PRRC1: variants seen among roughly 807,000 people sequenced by gnomAD.
PRRC1 encodes protein PRRC1.
PRRC1 carries 39 observed loss-of-function variants against 40.7 expected under a neutral mutation model. The observed-to-expected ratio is 0.96, with a 90% CI of 0.74 to 1.25. The LOEUF (loss-of-function observed/expected upper bound fraction) is 1.25, where lower values mean the gene tolerates loss of function less well. PRRC1 is among the 50% of genes most tolerant of loss of function. The probability of loss-of-function intolerance (pLI) is 0.00; values close to 1 mark genes in which losing one functional copy is unlikely to be tolerated. For missense variants in PRRC1, 573 were observed against 548.3 expected (o/e 1.05, Z -0.45); for synonymous variants, 175 against 193.3 (o/e 0.91, Z 0.79).
chr5:127,525,449 C>T (rs1446680629), intron 3 of PRRC1, among the ~76,000 whole-genome samples: 3 of 152,128 alleles, frequency 2.0e-5, no homozygotes, highest in Admixed American at 6.5e-5. Flanking sequence ...TTGTTTTCCA[C>T]TTTTTGGCTA....
In PRRC1 at chr5:127,553,092, C is replaced by T. The variant is rs1000559907; in HGVS notation, c.*1176C>T. 9 of 867,042 alleles carry T rather than the reference C, an allele frequency of 1.0e-5. No homozygotes were observed. Among genetic ancestry groups the T allele is most frequent in the South Asian group, 5.3e-5 (1 of 18,726 alleles). The allele number at this position is 867,042 out of a possible 1,614,324, so 53.7% of individuals were successfully genotyped here. On this transcript the variant is annotated 3_prime_UTR_variant, in exon 9 of 9. Transcript: ENST00000296666. The stretch of plus-strand genomic sequence containing the variant: ...TATATACAAGTTCAAATAACTTTTT[C>T]GAAGATAGTTTCTTATATAAATGTA...
chr5:127,549,777 C>T (rs1321046131), intron 8 of PRRC1: 1 of 152,130 alleles, frequency 6.6e-6, no homozygotes, highest in Non-Finnish European at 1.5e-5. Flanking sequence ...TTTATAGCTG[C>T]TTTTGTACTA....
chr5:127,551,425 A>C (rs996400049), intron 8 of PRRC1: 1 of 347,174 alleles, frequency 2.9e-6, no homozygotes, highest in Non-Finnish European at 5.3e-6. Flanking sequence ...TACCAATCTT[A>C]TTATTAACCT....
chr5:127,544,184 C>T (rs866491868), intron 7 of PRRC1, among the ~76,000 whole-genome samples: 38 of 152,140 alleles, frequency 2.5e-4, no homozygotes, highest in African/African-American at 8.4e-4. Context: ...TCTGCAGAAC[C>T]GCGGATTTTC....
At chr5:127,522,033 T>G (rs748371248) in intron 1 of PRRC1, among the ~76,000 whole-genome samples, 1 of 152,242 alleles carries the variant, frequency 6.6e-6, no homozygotes, top group Non-Finnish European at 1.5e-5. Context: ...TGTACTAGAC[T>G]GTAAGTATCC....
intron 8 of PRRC1, chr5:127,549,387 A>G (rs1326700825): frequency 6.6e-6 from 1 of 152,234 alleles, no homozygotes; most frequent in Non-Finnish European, 1.5e-5. Context: ...TGAACATTGT[A>G]TCCTGACCAT....
chr5:127,525,318 C>G (rs1222781981), intron 3 of PRRC1, among the ~76,000 whole-genome samples: 1 of 152,128 alleles, frequency 6.6e-6, no homozygotes, highest in Non-Finnish European at 1.5e-5. Context: ...TAAATATTTT[C>G]AAGGTTCATC....
Position 127,552,123 on chromosome 5 carries a change from T to C in PRRC1, c.*207T>C. ...AAATCCTTTTTATAGTCATACCATT[T>C]CACCTATCATAGTACTCAAAAAAGA... is the stretch of plus-strand genomic sequence containing the variant. On this transcript the variant is annotated 3_prime_UTR_variant, in exon 9 of 9. Transcript: ENST00000296666. 7.2e-7 allele frequency: 1 copy of C among 1,382,688 alleles called. No individual in the cohort carries two copies. Among genetic ancestry groups the C allele is most frequent in the Non-Finnish European group, 9.3e-7 (1 of 1,069,572 alleles). 85.7% of individuals were successfully genotyped at this position (1,382,688 alleles called of 1,614,324 possible). A position where few individuals can be genotyped will look rare whatever the true frequency, so the allele number is the denominator to read the frequency against.
Position 127,551,742 on chromosome 5 carries a change from G to C in PRRC1, c.1164G>C (p.Arg388Ser). Reference sequence around the variant, plus strand: ...TAACTCCCCAGGACTATAATCTGAGGTGGTCAGGCCTTTTGGTGACAGTGG... The same window carrying C: ...TAACTCCCCAGGACTATAATCTGAGCTGGTCAGGCCTTTTGGTGACAGTGG... ...QSLTPQDYNL[R>S]WSGLLVTVGE... is the part of the protein sequence containing the mutation. Residue 388 changes from arginine to serine, a missense_variant, in exon 9 of 9, where the codon AGG becomes AGC. Arg to Ser is a moderately radical substitution (Grantham distance 110). Transcript: ENST00000296666. The C allele has an allele frequency of 6.2e-7, 1 of 1,614,054 alleles. No homozygotes were observed. Among genetic ancestry groups the C allele is most frequent in the Non-Finnish European group, 8.5e-7 (1 of 1,179,988 alleles).
At chr5:127,538,025 A>G (rs1235319366) in intron 6 of PRRC1, among the ~76,000 whole-genome samples, 3 of 151,978 alleles carry the variant, frequency 2.0e-5, no homozygotes, top group African/African-American at 2.4e-5. Context: ...TTGAACACCT[A>G]TTAAGTTAGG....
At chr5:127,545,655 G>T (rs1768196360) in intron 7 of PRRC1, among the ~76,000 whole-genome samples, 1 of 148,798 alleles carries the variant, frequency 6.7e-6, no homozygotes, top group Non-Finnish European at 1.5e-5. Flanking sequence ...GGGAGGGATA[G>T]CATTAGGAGA....
chr5:127,548,257 A>G lies in PRRC1; in HGVS notation c.1128+336A>G, dbSNP rs898954865. On this transcript the variant is annotated intron_variant, in intron 8 of 8. Coordinates refer to ENST00000296666, the MANE Select transcript of PRRC1 (RefSeq NM_130809.5). ...CCGCCTTTCGTTTGCTTTCCCTTTT[A>G]TCTCACATTTCATTTCCACTGTTAT... 1.1e-5 allele frequency: 5 copies of G among 473,258 alleles called. No individual in the cohort carries two copies. The South Asian group carries it at 1.6e-4, about 15-fold the overall frequency. The allele number at this position is 473,258 out of a possible 1,614,324, so 29.3% of individuals were successfully genotyped here.
chr5:127,548,305 T>C, intron 8 of PRRC1: 1 of 386,904 alleles, frequency 2.6e-6, no homozygotes, highest in East Asian at 4.7e-5. Flanking sequence ...TTTCCTTGAT[T>C]GATTGTCCTC....
rs140949082 is a variant in PRRC1 at position 127,533,713 on chromosome 5, T to C, written c.848T>C (p.Leu283Ser). Reference sequence around the variant, plus strand: ...GATGCCTTCCAGGAGGTCTTTGGCTTAGCTGTGGTTGTAGGGGAAGCTGGA... The same window carrying C: ...GATGCCTTCCAGGAGGTCTTTGGCTCAGCTGTGGTTGTAGGGGAAGCTGGA... The part of the protein sequence containing the change: ...VRDAFQEVFG[L>S]AVVVGEAGQS... The change falls in exon 6 of 9, where the codon TTA (leucine) becomes TCA (serine). Residue 283 changes from leucine (L) to serine (S), a missense_variant. Leu to Ser is a moderately radical substitution (Grantham distance 145). Coordinates refer to ENST00000296666, the MANE Select transcript of PRRC1 (RefSeq NM_130809.5). The C allele has an allele frequency of 9.3e-6, 15 of 1,614,030 alleles. No homozygotes were observed. Among genetic ancestry groups the C allele is most frequent in the African/African-American group, 1.3e-5 (1 of 74,930 alleles).
chr5:127,552,555 T>C lies in PRRC1; in HGVS notation c.*639T>C. On this transcript the variant is annotated 3_prime_UTR_variant, in exon 9 of 9. Transcript: ENST00000296666. ...ATCATACCTTTGTCAATTTTAAACATAACTTTTGGCATTTCCCAGATTTAT... is the reference window on the plus strand; with the variant it reads ...ATCATACCTTTGTCAATTTTAAACACAACTTTTGGCATTTCCCAGATTTAT... 1 of 985,902 alleles carries C rather than the reference T, an allele frequency of 1.0e-6. No homozygotes were observed. Among genetic ancestry groups the C allele is most frequent in the East Asian group, 1.1e-4 (1 of 8,818 alleles). The allele number at this position is 985,902 out of a possible 1,614,324, so 61.1% of individuals were successfully genotyped here.
Position 127,554,362 on chromosome 5 carries a change from T to G in PRRC1, c.*2446T>G, listed in dbSNP as rs1320201620. 1 of 152,258 alleles carries G rather than the reference T, an allele frequency of 6.6e-6. No homozygotes were observed. The highest frequency in any genetic ancestry group is 6.5e-5 in the Admixed American group (1 of 15,270). 9.4% of individuals were successfully genotyped at this position (152,258 alleles called of 1,614,324 possible). On this transcript the variant is annotated 3_prime_UTR_variant, in exon 9 of 9. Coordinates refer to ENST00000296666, the MANE Select transcript of PRRC1 (RefSeq NM_130809.5). The stretch of plus-strand genomic sequence containing the variant: ...ATATAGTTCTTCACCACTGTTGGGG[T>G]TGTTTTGTGATTTTTTTTTTCTTCC...
chr5:127,530,358 T>C lies in PRRC1; in HGVS notation c.719T>C (p.Met240Thr). 6.2e-7 allele frequency: 1 copy of C among 1,613,972 alleles called. No homozygotes were observed. The highest frequency in any genetic ancestry group is 8.5e-7 in the Non-Finnish European group (1 of 1,179,924). Residue 240 changes from methionine (M) to threonine (T), a missense_variant, in exon 5 of 9, where the codon ATG becomes ACG. Physicochemically the swap from Met to Thr is moderately conservative, Grantham distance 81. Coordinates refer to ENST00000296666, the MANE Select transcript of PRRC1 (RefSeq NM_130809.5). ...AAGACAAAACATTCAGTAGAAAGCA[T>C]GATTACAACGCTGGACCCTGGCATG... Reference protein sequence around the residue: ...LDKTKHSVESMITTLDPGMAP... With the variant: ...LDKTKHSVESTITTLDPGMAP...
In PRRC1 at chr5:127,545,457, A is replaced by G. The variant is rs531794706; in HGVS notation, c.1026-2362A>G. On this transcript the variant is annotated intron_variant, in intron 7 of 8. Transcript: ENST00000296666. ...ATACACCATGGAATACTATGCAGCC[A>G]TAAAAATGATGAGTTCATGTCCTTT... Among the ~76,000 whole-genome samples the G allele has an allele frequency of 3.9e-5, 6 of 152,268 alleles. No individual in the cohort carries two copies. The East Asian group carries it at 7.7e-4, about 20-fold the overall frequency.
Position 127,552,670 on chromosome 5 carries a change from T to C in PRRC1, c.*754T>C. ...ATTCAAGTATATTTTAAATCAGAAG[T>C]ATTCAAATTATTTTTGTATAATACT... On this transcript the variant is annotated 3_prime_UTR_variant, in exon 9 of 9. Transcript: ENST00000296666. 3 of 980,456 alleles carry C rather than the reference T, an allele frequency of 3.1e-6. No individual in the cohort carries two copies. Among genetic ancestry groups the C allele is most frequent in the Non-Finnish European group, 3.6e-6 (3 of 825,052 alleles). 60.7% of individuals were successfully genotyped at this position (980,456 alleles called of 1,614,324 possible).
Sources: gnomAD v4.1 joint callset for allele counts (sites outside exome capture counted in the v4.1 genomes callset) on GRCh38, gnomAD v4.1.1 for gene constraint, MANE v1.5 for transcripts, NCBI Gene and HGNC (gene_info 2026-07-23, HGNC 2026-07-21) for gene names.